UMAD1: variants seen among roughly 807,000 people sequenced by gnomAD.
UMAD1 encodes the protein UBAP1-MVB12-associated (UMA)-domain containing protein 1.
A neutral mutation model predicts 6.1 loss-of-function variants in UMAD1; 8 were observed. The observed-to-expected ratio is 1.30, with a 90% CI of 0.76 to 2.35. The LOEUF is 2.35. Among genes scored for constraint, UMAD1 ranks in the 30% most tolerant of loss-of-function variants. The pLI is 0.00. For synonymous variants in UMAD1, 56 were observed against 31.4 expected, an observed-to-expected ratio of 1.78 and a Z score of -2.61; for missense variants, 130 against 78.4, an observed-to-expected ratio of 1.66 and a Z score of -2.49.
chr7:7,730,871 C>CG (rs1248279012), intron 2 of UMAD1, among the ~76,000 whole-genome samples: 1 of 151,218 alleles, frequency 6.6e-6, no homozygotes, highest in African/African-American at 2.5e-5. Context: ...GGGCAGTAGT[C>CG]GGAGTGGAAG....
intron 2 of UMAD1, among the ~76,000 whole-genome samples, chr7:7,733,301 T>C (rs1781292381): frequency 6.6e-6 from 1 of 152,128 alleles, no homozygotes; most frequent in East Asian, 1.9e-4. Context: ...AAGTATGCCC[T>C]GAAGCCTGAC....
chr7:7,802,520 C>A (rs1782823796), intron 3 of UMAD1, among the ~76,000 whole-genome samples: 1 of 152,194 alleles, frequency 6.6e-6, no homozygotes, highest in Non-Finnish European at 1.5e-5. Context: ...TAAGAGTTTA[C>A]ATGAAAATGT....
intron 2 of UMAD1, among the ~76,000 whole-genome samples, chr7:7,693,941 C>T (rs1780241612): frequency 6.6e-6 from 1 of 152,120 alleles, no homozygotes; most frequent in Admixed American, 6.5e-5. Flanking sequence ...AGCTTTCCCT[C>T]TGAGGACTGA....
At chr7:7,721,245 A>C (rs146250300) in intron 2 of UMAD1, among the ~76,000 whole-genome samples, 6 of 152,258 alleles carry the variant, frequency 3.9e-5, no homozygotes, top group Non-Finnish European at 5.9e-5. Flanking sequence ...CGTTTGTACC[A>C]TTTTGCTATG....
intron 1 of UMAD1, among the ~76,000 whole-genome samples, chr7:7,671,043 A>G (rs953586022): frequency 4.6e-5 from 7 of 152,196 alleles, no homozygotes; most frequent in Non-Finnish European, 2.9e-5. Context: ...TTGGGGGCTG[A>G]ACAGTTTTCT....
intron 2 of UMAD1, among the ~76,000 whole-genome samples, chr7:7,750,580 C>T (rs1781659467): frequency 6.6e-6 from 1 of 152,082 alleles, no homozygotes; most frequent in African/African-American, 2.4e-5. Context: ...TTATATTTAA[C>T]AAACACATAT....
At chr7:7,654,600 A>T (rs1785298281) in intron 1 of UMAD1, among the ~76,000 whole-genome samples, 1 of 152,142 alleles carries the variant, frequency 6.6e-6, no homozygotes, top group Non-Finnish European at 1.5e-5. Flanking sequence ...CTCTGTGTAA[A>T]TAGTTATATT....
chr7:7,791,952 C>G (rs1782574849), intron 2 of UMAD1, among the ~76,000 whole-genome samples: 1 of 152,166 alleles, frequency 6.6e-6, no homozygotes, highest in Non-Finnish European at 1.5e-5. Flanking sequence ...CTGGTGAACT[C>G]TTAGTTTGAA....
chr7:7,745,806 C>G (rs568615031), intron 2 of UMAD1, among the ~76,000 whole-genome samples: 1 of 152,186 alleles, frequency 6.6e-6, no homozygotes, highest in Non-Finnish European at 1.5e-5. Flanking sequence ...TCCATTCCCC[C>G]TCATTGGAGC....
At chr7:7,714,258 A>C (rs1441353602) in intron 2 of UMAD1, among the ~76,000 whole-genome samples, 1 of 152,188 alleles carries the variant, frequency 6.6e-6, no homozygotes, top group Non-Finnish European at 1.5e-5. Context: ...AGCATTTCCA[A>C]CTTTTCTATA....
chr7:7,866,839 G>A (rs1275035218), intron 3 of UMAD1, among the ~76,000 whole-genome samples: 1 of 152,198 alleles, frequency 6.6e-6, no homozygotes, highest in Non-Finnish European at 1.5e-5. Flanking sequence ...ACAAGTGGTA[G>A]GGAGAGTGTA....
intron 1 of UMAD1, among the ~76,000 whole-genome samples, chr7:7,662,499 G>A (rs530544674): frequency 1.6e-4 from 25 of 152,328 alleles, no homozygotes; most frequent in African/African-American, 5.5e-4. Flanking sequence ...TGGGAAAAGC[G>A]TAGTATCCGG....
intron 1 of UMAD1, among the ~76,000 whole-genome samples, chr7:7,645,371 C>T (rs1299680900): frequency 1.3e-5 from 2 of 152,178 alleles, no homozygotes; most frequent in African/African-American, 2.4e-5. Flanking sequence ...CAACTTAGTA[C>T]TTATGTGGTA....
chr7:7,821,436 T>C (rs1783239558), intron 3 of UMAD1, among the ~76,000 whole-genome samples: 1 of 152,216 alleles, frequency 6.6e-6, no homozygotes, highest in African/African-American at 2.4e-5. Flanking sequence ...TTAACTTTCT[T>C]AATGTGGCTA....
chr7:7,825,834 G>T (rs1018220329), intron 3 of UMAD1, among the ~76,000 whole-genome samples: 8 of 152,122 alleles, frequency 5.3e-5, no homozygotes, highest in Non-Finnish European at 1.0e-4. Flanking sequence ...TTGTCCCTCA[G>T]TATATAGGGG....
chr7:7,710,914 G>A (rs1312993900), intron 2 of UMAD1, among the ~76,000 whole-genome samples: 1 of 152,172 alleles, frequency 6.6e-6, no homozygotes, highest in African/African-American at 2.4e-5. Flanking sequence ...AGAGAATTAT[G>A]CTGAGTGAAA....
chr7:7,813,897 A>T (rs996356464), intron 3 of UMAD1, among the ~76,000 whole-genome samples: 5 of 152,228 alleles, frequency 3.3e-5, no homozygotes, highest in African/African-American at 4.8e-5. Flanking sequence ...GATATTTATT[A>T]TGGAGGTGTT....
At chr7:7,788,679 A>G (rs1367403068) in intron 2 of UMAD1, among the ~76,000 whole-genome samples, 2 of 150,772 alleles carry the variant, frequency 1.3e-5, no homozygotes, top group Non-Finnish European at 2.9e-5. Context: ...TTCTGCAGGA[A>G]GCAAAGCCAG....
intron 3 of UMAD1, among the ~76,000 whole-genome samples, chr7:7,811,609 A>G (rs1783023953): frequency 6.6e-6 from 1 of 152,158 alleles, no homozygotes; most frequent in Non-Finnish European, 1.5e-5. Context: ...CCCAGAAGTC[A>G]TGACTGTTTA....
Sources: gnomAD v4.1 joint callset for allele counts (sites outside exome capture counted in the v4.1 genomes callset) on GRCh38, gnomAD v4.1.1 for gene constraint, MANE v1.5 for transcripts, NCBI Gene and HGNC (gene_info 2026-07-23, HGNC 2026-07-21) for gene names.